Variants in LYPD6 observed in about 807,000 individuals in gnomAD.
The protein encoded by LYPD6 is LY6/PLAUR domain containing 6, also known as ly6/PLAUR domain-containing protein 6.
LYPD6 carries 15 observed loss-of-function variants against 22.7 expected under a neutral mutation model. That is an observed-to-expected ratio of 0.66 (90% CI 0.44 to 1.02). The LOEUF is 1.02. LYPD6 is among the 50% of genes least tolerant of loss of function. The pLI is 0.00. For synonymous variants in LYPD6, 72 were observed against 77.5 expected, an observed-to-expected ratio of 0.93 and a Z score of 0.37; for missense variants, 189 against 208.4, an observed-to-expected ratio of 0.91 and a Z score of 0.57.
chr2:149,415,086 G>T (rs935927637), intron 1 of LYPD6, among the ~76,000 whole-genome samples: 1 of 152,182 alleles, frequency 6.6e-6, no homozygotes, highest in Non-Finnish European at 1.5e-5. Context: ...GTTCCTTATA[G>T]ATGGACACAC....
At chr2:149,386,739 C>G (rs934610625) in intron 1 of LYPD6, among the ~76,000 whole-genome samples, 1 of 152,196 alleles carries the variant, frequency 6.6e-6, no homozygotes, top group African/African-American at 2.4e-5. Context: ...GTAATCAACA[C>G]TGGGAAGTTC....
intron 1 of LYPD6, among the ~76,000 whole-genome samples, chr2:149,335,742 T>C (rs1255294663): frequency 6.6e-6 from 1 of 152,200 alleles, no homozygotes; most frequent in African/African-American, 2.4e-5. Context: ...GTGTATCTTT[T>C]TTCTTTTATA....
chr2:149,420,210 CT>C (rs1683049373), intron 1 of LYPD6, among the ~76,000 whole-genome samples: 1 of 152,202 alleles, frequency 6.6e-6, no homozygotes, highest in African/African-American at 2.4e-5. Context: ...CTGAAGGCAT[CT>C]CAGTGTGCCA....
chr2:149,478,377 G>GGGGTGTGTGTGT (rs112245535), downstream of LYPD6, among the ~76,000 whole-genome samples: 1 of 99,274 alleles, frequency 1.0e-5, no homozygotes, highest in African/African-American at 2.9e-5. Context: ...GGTATATAGA[G>GGGGTGTGTGTGT]GTGTGTGTGT....
chr2:149,419,855 T>A (rs1021184094), intron 1 of LYPD6, among the ~76,000 whole-genome samples: 2 of 152,194 alleles, frequency 1.3e-5, no homozygotes, highest in African/African-American at 4.8e-5. Context: ...TGTGTGTCTG[T>A]GTTTCTTTCT....
In LYPD6 at chr2:149,463,969, A is replaced by G. The variant is rs577262346; in HGVS notation, c.218-4676A>G. 9.5e-4 allele frequency among the ~76,000 whole-genome samples: 144 copies of G among 152,222 alleles called. 3 individuals are homozygous for G. The South Asian group carries it at 0.028, about 29-fold the overall frequency. On this transcript the variant is annotated intron_variant, in intron 3 of 4. Coordinates refer to ENST00000334166, the MANE Select transcript of LYPD6 (RefSeq NM_194317.5). Reference sequence around the variant, plus strand: ...CTGTATCTTGATTGGGTTAATGTCAATATCACAGTTGTGATATTATACCAT... The same window carrying G: ...CTGTATCTTGATTGGGTTAATGTCAGTATCACAGTTGTGATATTATACCAT...
rs973140129 is a variant in LYPD6, at chr2:149,472,453, G to A, written c.*1603G>A. The stretch of plus-strand genomic sequence containing the variant: ...GCTAATAAAGAGGACAGTGTTGTCA[G>A]GGTCCATCTGCCCTCCATAGAAAAA... On this transcript the variant is annotated 3_prime_UTR_variant, in exon 5 of 5. Coordinates refer to ENST00000334166, the MANE Select transcript of LYPD6 (RefSeq NM_194317.5). The A allele has an allele frequency of 6.6e-6, 1 of 152,630 alleles. No homozygotes were observed. The highest frequency in any genetic ancestry group is 1.5e-5 in the Non-Finnish European group (1 of 68,042). The allele number at this position is 152,630 out of a possible 1,614,324, so 9.5% of individuals were successfully genotyped here.
chr2:149,389,263 G>T (rs1236007345), intron 1 of LYPD6, among the ~76,000 whole-genome samples: 1 of 152,102 alleles, frequency 6.6e-6, no homozygotes, highest in Non-Finnish European at 1.5e-5. Flanking sequence ...GTAGATGCCC[G>T]AGAGAGTTGG....
At chr2:149,438,192 C>T (rs1466843899) in intron 2 of LYPD6, among the ~76,000 whole-genome samples, 6 of 152,200 alleles carry the variant, frequency 3.9e-5, no homozygotes, top group Admixed American at 3.9e-4. Flanking sequence ...AATAGCTGGT[C>T]TTCCTCTCTG....
chr2:149,330,552 C>A (rs1156928157), upstream of LYPD6: 4 of 150,362 alleles, frequency 2.7e-5, no homozygotes, highest in African/African-American at 4.9e-5. Flanking sequence ...GCGCGCGCGC[C>A]CCTAGCCGCC....
intron 1 of LYPD6, among the ~76,000 whole-genome samples, chr2:149,353,017 A>G (rs1181857630): frequency 6.6e-6 from 1 of 152,212 alleles, no homozygotes; most frequent in African/African-American, 2.4e-5. Context: ...CCTTGAATGC[A>G]GTGTACAGAC....
At chr2:149,468,819 C>T (rs755073136) in intron 4 of LYPD6, 44 bp downstream of exon 4, 11 of 1,603,576 alleles carry the variant, frequency 6.9e-6, no homozygotes, top group East Asian at 2.2e-5. Flanking sequence ...TAGCCAGCTG[C>T]CTTCTCTTCA....
rs1333479614 is a variant in LYPD6 at position 149,350,849 on chromosome 2, G to A, written c.-72+20127G>A. On this transcript the variant is annotated intron_variant, in intron 1 of 4. Coordinates refer to ENST00000334166, the MANE Select transcript of LYPD6 (RefSeq NM_194317.5). The stretch of plus-strand genomic sequence containing the variant: ...CTTGGGCTTTCTGGAGCACAGAGTG[G>A]ACAGATGCCCACACTACCCTTGCCG... 3.3e-5 allele frequency among the ~76,000 whole-genome samples: 5 copies of A among 152,132 alleles called. No homozygotes were observed. The East Asian group carries it at 9.6e-4, about 29-fold the overall frequency.
chr2:149,419,454 GTGAC>G (rs1386997363), intron 1 of LYPD6, among the ~76,000 whole-genome samples: 5 of 152,194 alleles, frequency 3.3e-5, no homozygotes, highest in African/African-American at 1.2e-4. Flanking sequence ...CTGGCCACAT[GTGAC>G]TATTTAACTT....
chr2:149,424,699 G>A (rs144995253), intron 1 of LYPD6, among the ~76,000 whole-genome samples: 1 of 152,304 alleles, frequency 6.6e-6, no homozygotes, highest in Non-Finnish European at 1.5e-5. Context: ...GACAGCAGGA[G>A]CCAAGGCACT....
intron 2 of LYPD6, among the ~76,000 whole-genome samples, chr2:149,440,858 G>T (rs1168362065): frequency 7.0e-6 from 1 of 141,982 alleles, no homozygotes; most frequent in Non-Finnish European, 1.5e-5. Flanking sequence ...CCACCACCAG[G>T]CCTGACTAAT....
chr2:149,434,933 C>G (rs149659951), intron 1 of LYPD6, among the ~76,000 whole-genome samples: 53 of 152,318 alleles, frequency 3.5e-4, no homozygotes, highest in Admixed American at 1.7e-3. Flanking sequence ...ACAACAACAA[C>G]AGAAAACATG....
chr2:149,409,374 T>C (rs1243281833), intron 1 of LYPD6, among the ~76,000 whole-genome samples: 6 of 152,074 alleles, frequency 3.9e-5, no homozygotes, highest in Non-Finnish European at 8.8e-5. Context: ...GATTTTGTGT[T>C]GGTTAGCCTC....
In LYPD6 at chr2:149,472,504, C is replaced by T. The variant is rs980666102; in HGVS notation, c.*1654C>T. On this transcript the variant is annotated 3_prime_UTR_variant, in exon 5 of 5. Coordinates refer to ENST00000334166, the MANE Select transcript of LYPD6 (RefSeq NM_194317.5). ...TGTCTCTGGCTCATAAAATGAGACTCCCTCAGGGACTAAATATGAACTGAC... is the reference window on the plus strand; with the variant it reads ...TGTCTCTGGCTCATAAAATGAGACTTCCTCAGGGACTAAATATGAACTGAC... The T allele has an allele frequency of 2.0e-5, 3 of 152,596 alleles. No homozygotes were observed. Among genetic ancestry groups the T allele is most frequent in the Non-Finnish European group, 4.4e-5 (3 of 68,048 alleles). The allele number at this position is 152,596 out of a possible 1,614,324, so 9.5% of individuals were successfully genotyped here. A position where few individuals can be genotyped will look rare whatever the true frequency, so the allele number is the denominator to read the frequency against.
Sources: gnomAD v4.1 joint callset for allele counts (sites outside exome capture counted in the v4.1 genomes callset) on GRCh38, gnomAD v4.1.1 for gene constraint, MANE v1.5 for transcripts, NCBI Gene and HGNC (gene_info 2026-07-23, HGNC 2026-07-21) for gene names.